Variants in ADCY8 observed in about 807,000 individuals in gnomAD.
The protein encoded by ADCY8 is adenylate cyclase type 8.
ADCY8 carries 51 observed loss-of-function variants against 119.7 expected under a neutral mutation model. The observed-to-expected ratio is 0.43, with a 90% CI of 0.34 to 0.54. The LOEUF is 0.54. Among genes scored for constraint, ADCY8 ranks in the 20% least tolerant of loss-of-function variants. ADCY8 has a pLI of 0.03. For synonymous variants in ADCY8, 665 were observed against 651.0 expected (o/e 1.02, Z -0.33); for missense variants, 1,383 against 1,598.8 (o/e 0.87, Z 2.30).
chr8:130,815,118 T>A (rs1341558757), intron 13 of ADCY8, among the ~76,000 whole-genome samples: 1 of 152,116 alleles, frequency 6.6e-6, no homozygotes, highest in Non-Finnish European at 1.5e-5. Flanking sequence ...TCTCTCCACA[T>A]GCACACACTA....
intron 14 of ADCY8, among the ~76,000 whole-genome samples, chr8:130,809,547 G>C (rs1241348402): frequency 2.7e-5 from 4 of 150,906 alleles, no homozygotes; most frequent in Non-Finnish European, 5.9e-5. Context: ...GGGCCTGTCT[G>C]TCTGGAATTC....
chr8:130,977,492 T>G (rs1405864416), intron 2 of ADCY8, among the ~76,000 whole-genome samples: 1 of 152,222 alleles, frequency 6.6e-6, no homozygotes, highest in African/African-American at 2.4e-5. Context: ...CAATTCAGTC[T>G]CTGGTAGTCT....
chr8:130,962,157 A>T (rs1821625362), intron 2 of ADCY8, among the ~76,000 whole-genome samples: 1 of 152,180 alleles, frequency 6.6e-6, no homozygotes, highest in Non-Finnish European at 1.5e-5. Flanking sequence ...CTCCCTCTGT[A>T]AAGCATTTTC....
At chr8:131,037,743 G>C (rs1467199845) in intron 1 of ADCY8, among the ~76,000 whole-genome samples, 2 of 152,162 alleles carry the variant, frequency 1.3e-5, no homozygotes, top group African/African-American at 4.8e-5. Flanking sequence ...AAAAGAGAAT[G>C]AGAGAGCTTG....
chr8:130,823,651 C>G (rs909210235), intron 12 of ADCY8, among the ~76,000 whole-genome samples: 10 of 152,032 alleles, frequency 6.6e-5, no homozygotes, highest in Non-Finnish European at 1.5e-4. Context: ...TCTGATGTAT[C>G]ACAAAAATTA....
intron 8 of ADCY8, among the ~76,000 whole-genome samples, chr8:130,875,569 T>C (rs1002054344): frequency 1.3e-5 from 2 of 152,132 alleles, no homozygotes; most frequent in African/African-American, 4.8e-5. Flanking sequence ...AATTCCAGAG[T>C]CCAACATCAT....
intron 1 of ADCY8, among the ~76,000 whole-genome samples, chr8:131,000,292 A>G (rs1266568746): frequency 6.6e-6 from 1 of 152,200 alleles, no homozygotes; most frequent in Non-Finnish European, 1.5e-5. Flanking sequence ...AGACAGGGGT[A>G]TAATTTAGTA....
At chr8:130,957,190 T>G (rs867598066) in intron 2 of ADCY8, among the ~76,000 whole-genome samples, 14 of 152,158 alleles carry the variant, frequency 9.2e-5, no homozygotes, top group African/African-American at 3.1e-4. Context: ...GATAATGACA[T>G]GGACAATAAG....
intron 2 of ADCY8, among the ~76,000 whole-genome samples, chr8:130,963,364 A>T (rs1210896515): frequency 6.6e-6 from 1 of 152,202 alleles, no homozygotes; most frequent in Non-Finnish European, 1.5e-5. Flanking sequence ...GTGATGTTTA[A>T]CTGGTACCTG....
intron 14 of ADCY8, among the ~76,000 whole-genome samples, chr8:130,802,388 A>G (rs1036039586): frequency 7.2e-5 from 11 of 152,120 alleles, no homozygotes; most frequent in African/African-American, 9.7e-5. Flanking sequence ...CTTCTTGATC[A>G]CTAAAATGAG....
intron 1 of ADCY8, among the ~76,000 whole-genome samples, chr8:130,992,656 C>T (rs938954016): frequency 3.3e-5 from 5 of 151,846 alleles, no homozygotes; most frequent in African/African-American, 1.2e-4. Context: ...CTCAGGTGAT[C>T]TGCCTGCCTG....
chr8:130,933,428 G>A (rs1820693721), intron 5 of ADCY8, among the ~76,000 whole-genome samples: 1 of 152,180 alleles, frequency 6.6e-6, no homozygotes. Flanking sequence ...TTGTTCACCA[G>A]CCATTCCTCA....
intron 1 of ADCY8, among the ~76,000 whole-genome samples, chr8:131,017,072 A>T (rs116411732): frequency 0.011 from 1,575 of 141,852 alleles, 33 homozygotes; most frequent in African/African-American, 0.039. Flanking sequence ...AATGTACATG[A>T]TTTTTTTTTT....
chr8:130,824,107 G>C (rs6997439), intron 12 of ADCY8, among the ~76,000 whole-genome samples: 1 of 151,936 alleles, frequency 6.6e-6, no homozygotes, highest in Admixed American at 6.6e-5. Flanking sequence ...AGAACTCATA[G>C]CTCAGGCACC....
Position 130,859,835 on chromosome 8 carries a change from A to G in ADCY8, c.2210+8011T>C, listed in dbSNP as rs1485463102. Among the ~76,000 whole-genome samples the G allele has an allele frequency of 1.5e-4, 23 of 152,112 alleles. 1 individual carries two copies. The highest frequency in any genetic ancestry group is 1.5e-3 in the Admixed American group (23 of 15,260). On this transcript the variant is annotated intron_variant, in intron 9 of 17. Transcript: ENST00000286355. ...TCATTCCCCAAGCTCCTCTCACCTA[A>G]CGATCTATTTACCATTTCTATAGTT...
In ADCY8 at chr8:130,904,007, A is replaced by C. The variant is rs1819696730; in HGVS notation, c.1676T>G (p.Leu559Arg). ...IHISKATLDC[L>R]NGDYNVEEGH... ...CTCTTCCACGTTATAGTCACCGTTG[A>C]GACAGTCCAGCGTGGCTTTGGAAAT... Residue 559 changes from leucine (L) to arginine (R), a missense_variant, in exon 7 of 18, where the codon CTC (leucine) becomes CGC (arginine). Physicochemically the swap from Leu to Arg is moderately radical, Grantham distance 102 (BLOSUM62 -2). Coordinates refer to ENST00000286355, the MANE Select transcript of ADCY8 (RefSeq NM_001115.3). The C allele has an allele frequency of 6.2e-7, 1 of 1,614,042 alleles. No homozygotes were observed. The highest frequency in any genetic ancestry group is 8.5e-7 in the Non-Finnish European group (1 of 1,179,930).
In ADCY8 at chr8:130,808,012, A is replaced by C. The variant is rs540127565; in HGVS notation, c.2913+6057T>G. Reference sequence around the variant, plus strand: ...AAAAAAAAAAAAAAAAAAAAAAAAAAAAAAAAAAATTGGCCAGTATCAAGT... The same window carrying C: ...AAAAAAAAAAAAAAAAAAAAAAAAACAAAAAAAAATTGGCCAGTATCAAGT... On this transcript the variant is annotated intron_variant, in intron 14 of 17. Coordinates refer to ENST00000286355, the MANE Select transcript of ADCY8 (RefSeq NM_001115.3). Among the ~76,000 whole-genome samples, 904 of 139,256 alleles carry C rather than the reference A, an allele frequency of 6.5e-3. 22 individuals are homozygous for C. The highest frequency in any genetic ancestry group is 0.023 in the African/African-American group (864 of 37,314). 91.4% of individuals were successfully genotyped at this position (139,256 alleles called of 152,430 possible).
At chr8:130,984,202 T>C (rs1822326117) in intron 2 of ADCY8, among the ~76,000 whole-genome samples, 1 of 151,778 alleles carries the variant, frequency 6.6e-6, no homozygotes, top group African/African-American at 2.4e-5. Context: ...GACAGGAGCC[T>C]GCATGAGTGG....
intron 13 of ADCY8, among the ~76,000 whole-genome samples, chr8:130,820,735 A>G (rs2130195868): frequency 6.6e-6 from 1 of 152,368 alleles, no homozygotes; most frequent in African/African-American, 2.4e-5. Flanking sequence ...GTAGGGGCTC[A>G]TGGAAAGCAT....
Sources: gnomAD v4.1 joint callset for allele counts (sites outside exome capture counted in the v4.1 genomes callset) on GRCh38, gnomAD v4.1.1 for gene constraint, MANE v1.5 for transcripts, NCBI Gene and HGNC (gene_info 2026-07-23, HGNC 2026-07-21) for gene names.